The following DHX9 variants were observed in gnomAD, a reference collection of about 807,000 sequenced individuals.
DHX9 encodes ATP-dependent RNA helicase A.
DHX9 carries 27 observed loss-of-function variants against 148.7 expected under a neutral mutation model. The ratio of observed to expected loss-of-function variants is 0.18; its 90% confidence interval spans 0.13 to 0.25. The LOEUF is 0.25. Among genes scored for constraint, DHX9 ranks in the 10% least tolerant of loss-of-function variants. The pLI, the probability that DHX9 is intolerant of heterozygous loss-of-function variation, is 1.00. For missense variants in DHX9, 796 were observed against 1,559.6 expected, an observed-to-expected ratio of 0.51 and a Z score of 8.25; for synonymous variants, 529 against 516.6, an observed-to-expected ratio of 1.02 and a Z score of -0.33.
intron 1 of DHX9, among the ~76,000 whole-genome samples, chr1:182,841,816 C>T (rs951624179): frequency 6.6e-6 from 1 of 152,190 alleles, no homozygotes; most frequent in Admixed American, 6.5e-5. Flanking sequence ...ATTTTATAGA[C>T]TTGTTGCACT....
At chr1:182,880,419 CTTAAT>C in intron 21 of DHX9, 73 bp from the exon 22 acceptor site, 2 of 958,572 alleles carry the variant, frequency 2.1e-6, no homozygotes, top group Non-Finnish European at 3.3e-6. Flanking sequence ...CTGTCTTAAC[CTTAAT>C]TTAGAGTAAT....
intron 14 of DHX9, among the ~76,000 whole-genome samples, chr1:182,870,584 A>G (rs973217564): frequency 6.6e-6 from 1 of 152,246 alleles, no homozygotes; most frequent in Admixed American, 6.5e-5. Flanking sequence ...CTGGAAACTA[A>G]TGGTTATTTC....
intron 14 of DHX9, among the ~76,000 whole-genome samples, chr1:182,868,668 A>G (rs1435608697): frequency 1.3e-5 from 2 of 151,770 alleles, no homozygotes; most frequent in Admixed American, 6.6e-5. Flanking sequence ...GGTGCCTGCC[A>G]CCAGTCCTGG....
At chr1:182,880,472 C>A in intron 21 of DHX9, 25 bp from the exon 22 acceptor site, 1 of 1,478,590 alleles carries the variant, frequency 6.8e-7, no homozygotes, top group Non-Finnish European at 9.4e-7. Context: ...TTTGTTTCTG[C>A]TCACAAAGAA....
Position 182,872,425 on chromosome 1 carries a change from G to A in DHX9, c.1646G>A (p.Ser549Asn), listed in dbSNP as rs775594349. ...IVLMSATIDT[S>N]MFCEYFFNCP... is the part of the protein sequence containing the mutation. The stretch of plus-strand genomic sequence containing the variant: ...CTTATGTCTGCTACTATTGATACCA[G>A]CATGTTTTGTGAATATTTCTTCAAT... Residue 549 changes from serine to asparagine, a missense_variant, in exon 15 of 28, where the codon AGC becomes AAC. By Grantham distance (46) the Ser-to-Asn change is conservative. Transcript: ENST00000367549. The A allele has an allele frequency of 6.2e-7, 1 of 1,613,982 alleles. No homozygotes were observed. Among genetic ancestry groups the A allele is most frequent in the Non-Finnish European group, 8.5e-7 (1 of 1,179,968 alleles).
At chr1:182,855,002 C>T (rs1391032074) in intron 6 of DHX9, among the ~76,000 whole-genome samples, 4 of 152,072 alleles carry the variant, frequency 2.6e-5, no homozygotes, top group Non-Finnish European at 5.9e-5. Flanking sequence ...ATATTTTTCT[C>T]GAAAATCAAA....
chr1:182,879,219 G>C (rs1648971849), intron 20 of DHX9, 31 bp from the exon 21 acceptor site: 1 of 1,436,886 alleles, frequency 7.0e-7, no homozygotes, highest in African/African-American at 1.4e-5. Context: ...TACACAAGGA[G>C]GATGGTTATT....
At chr1:182,865,639 T>A (rs1648261315) in intron 12 of DHX9, among the ~76,000 whole-genome samples, 1 of 152,200 alleles carries the variant, frequency 6.6e-6, no homozygotes, top group African/African-American at 2.4e-5. Context: ...ATGAGCCAGG[T>A]GATAGTATAC....
chr1:182,843,931 G>A (rs993528517), intron 3 of DHX9, among the ~76,000 whole-genome samples: 2 of 152,022 alleles, frequency 1.3e-5, no homozygotes, highest in South Asian at 2.1e-4. Context: ...CTTAGTAGCT[G>A]GACTACAGGT....
chr1:182,848,316 C>T (rs1003607852), intron 3 of DHX9, among the ~76,000 whole-genome samples: 5 of 152,152 alleles, frequency 3.3e-5, no homozygotes, highest in Non-Finnish European at 5.9e-5. Context: ...TGTTGTAACT[C>T]GAGGAGGCCA....
intron 17 of DHX9, 29 bp from the exon 18 acceptor site, chr1:182,876,418 G>A: frequency 6.3e-7 from 1 of 1,596,038 alleles, no homozygotes; most frequent in Non-Finnish European, 8.6e-7. Flanking sequence ...CCTGTTTTTA[G>A]TCCCTGATTG....
chr1:182,886,132 G>C (rs1414678093), intron 27 of DHX9, among the ~76,000 whole-genome samples: 1 of 151,954 alleles, frequency 6.6e-6, no homozygotes, highest in African/African-American at 2.4e-5. Flanking sequence ...ATAGTGCAAT[G>C]AAAGAAGGAA....
rs746336395 is a variant in DHX9 at position 182,876,434 on chromosome 1, T to C, written c.2030-13T>C. The C allele has an allele frequency of 3.7e-6, 6 of 1,610,772 alleles. No individual in the cohort carries two copies. In the Middle Eastern group the frequency reaches 5.0e-4, roughly 135 times the overall value. ...CTGTTTTTAGTCCCTGATTGTTCTTTATTGTTATATAGGAAGCCATCGGTA... is the reference window on the plus strand; with the variant it reads ...CTGTTTTTAGTCCCTGATTGTTCTTCATTGTTATATAGGAAGCCATCGGTA... On this transcript the variant is annotated splice_polypyrimidine_tract_variant and intron_variant, in intron 17 of 27. Coordinates refer to ENST00000367549, the MANE Select transcript of DHX9 (RefSeq NM_001357.5).
chr1:182,852,218 CTT>C lies in DHX9; in HGVS notation c.253-11_253-10del, dbSNP rs1286075849. ...GCAAAAGCACTGACAGCTGCCTTGA[CTT>C]TTTCTTTTGCAGGTAGCATCTCCGC... On this transcript the variant is annotated splice_polypyrimidine_tract_variant and intron_variant, in intron 3 of 27. Coordinates refer to ENST00000367549, the MANE Select transcript of DHX9 (RefSeq NM_001357.5). 5 of 1,584,582 alleles carry C rather than the reference CTT, an allele frequency of 3.2e-6. No individual in the cohort carries two copies. The highest frequency in any genetic ancestry group is 3.4e-6 in the Non-Finnish European group (4 of 1,163,464).
At chr1:182,843,740 A>G (rs1206934407) in intron 3 of DHX9, among the ~76,000 whole-genome samples, 5 of 152,124 alleles carry the variant, frequency 3.3e-5, no homozygotes, top group Admixed American at 1.3e-4. Flanking sequence ...ACCAATGATA[A>G]TACTTTAAAT....
At chr1:182,883,064 T>C (rs931741135) in intron 24 of DHX9, 75 bp from the exon 25 acceptor site, 24 of 995,068 alleles carry the variant, frequency 2.4e-5, no homozygotes, top group African/African-American at 1.6e-4. Flanking sequence ...CTCTGAATTA[T>C]CTTAAATAGT....
In DHX9 at chr1:182,878,241, G is replaced by T; in HGVS notation, c.2351+68G>T. The stretch of plus-strand genomic sequence containing the variant: ...TTCTCTGTAGGGACAGATGTGTGCA[G>T]TTATGTAAACCTGCCAATATAAGCT... On this transcript the variant is annotated intron_variant, in intron 20 of 27. Transcript: ENST00000367549. 1.2e-5 allele frequency: 19 copies of T among 1,543,232 alleles called. No homozygotes were observed. In the Admixed American group the frequency reaches 2.1e-4, roughly 17 times the overall value.
intron 3 of DHX9, among the ~76,000 whole-genome samples, chr1:182,848,448 G>A (rs893251277): frequency 2.6e-5 from 4 of 152,182 alleles, no homozygotes; most frequent in Non-Finnish European, 4.4e-5. Context: ...TTGTTCCAAC[G>A]TAATTTATTT....
intron 12 of DHX9, among the ~76,000 whole-genome samples, chr1:182,863,792 GA>G (rs1557972014): frequency 1.5e-5 from 2 of 134,378 alleles, no homozygotes. Flanking sequence ...AGAATTAGAA[GA>G]TTTTTTTTTT....
Sources: allele counts gnomAD v4.1 joint callset (sites outside exome capture counted in the v4.1 genomes callset), GRCh38; gene constraint gnomAD v4.1.1; transcripts MANE v1.5; gene names NCBI Gene and HGNC (gene_info 2026-07-23, HGNC 2026-07-21).